GK: variants seen among roughly 807,000 people sequenced by gnomAD.
The protein encoded by GK is ATP:glycerol 3-phosphotransferase.
GK carries 9 observed loss-of-function variants against 56.4 expected under a neutral mutation model. The ratio of observed to expected loss-of-function variants is 0.16; its 90% CI spans 0.10 to 0.28. GK has a LOEUF of 0.28. GK is among the 10% of genes least tolerant of loss of function. The pLI is 1.00. For synonymous variants in GK, 104 were observed against 144.1 expected (o/e 0.72, Z 1.99); for missense variants, 161 against 431.4 (o/e 0.37, Z 5.55).
chrX:30,699,977 T>G (rs1046658534), intron 9 of GK: 1 of 116,247 alleles, frequency 8.6e-6, no homozygotes, highest in Non-Finnish European at 1.8e-5. Flanking sequence ...AAAATAAATG[T>G]GTTTCATACT....
In GK at chrX:30,728,904, A is replaced by C; in HGVS notation, c.*162A>C. 2.1e-6 allele frequency: 1 copy of C among 471,987 alleles called. No homozygotes were observed. Among genetic ancestry groups the C allele is most frequent in the Non-Finnish European group, 3.7e-6 (1 of 268,652 alleles). 38.9% of individuals were successfully genotyped at this position (471,987 alleles called of 1,213,427 possible). On this transcript the variant is annotated 3_prime_UTR_variant, in exon 21 of 21. Coordinates refer to ENST00000427190, the MANE Select transcript of GK (RefSeq NM_001205019.2). Reference sequence around the variant, plus strand: ...AGTAGACCTGTGGCTTAAAATAAAGAAAATGCAGCAAAAAGAATGCTATAG... The same window carrying C: ...AGTAGACCTGTGGCTTAAAATAAAGCAAATGCAGCAAAAAGAATGCTATAG...
intron 4 of GK, among the ~76,000 whole-genome samples, chrX:30,681,710 T>C (rs1427381459): frequency 2.7e-5 from 3 of 111,738 alleles, no homozygotes; most frequent in Non-Finnish European, 5.6e-5. Context: ...AAAAAAGATA[T>C]ATAACCTTCA....
intron 11 of GK, among the ~76,000 whole-genome samples, chrX:30,704,717 GCC>G (rs1569165826): frequency 9.1e-6 from 1 of 110,104 alleles, no homozygotes; most frequent in East Asian, 2.9e-4. Flanking sequence ...GACTACAGGC[GCC>G]CGCCACCACA....
chrX:30,713,016 G>A (rs1384907745), intron 13 of GK, among the ~76,000 whole-genome samples: 1 of 111,488 alleles, frequency 9.0e-6, no homozygotes, highest in East Asian at 2.8e-4. Flanking sequence ...TTACAGGCGT[G>A]AGCCACCGCG....
intron 8 of GK, 86 bp from the exon 9 acceptor site, chrX:30,697,645 GA>G (rs1177052208): frequency 6.0e-5 from 40 of 667,457 alleles, no homozygotes; most frequent in Non-Finnish European, 8.7e-5. Flanking sequence ...AGGATGGTTA[GA>G]AAAAAAAACG....
chrX:30,726,163 A>T (rs1345257919), intron 19 of GK, among the ~76,000 whole-genome samples: 3 of 112,342 alleles, frequency 2.7e-5, no homozygotes, highest in African/African-American at 9.7e-5. Flanking sequence ...AAAAAAAGAT[A>T]TCATTGCTCC....
chrX:30,670,897 C>T (rs1277320693), intron 3 of GK, among the ~76,000 whole-genome samples: 2 of 109,681 alleles, frequency 1.8e-5, no homozygotes, highest in Non-Finnish European at 3.8e-5. Context: ...GCAGGAGAAT[C>T]GCTTGAACCC....
At chrX:30,697,702 A>G (rs1389892904) in intron 8 of GK, 30 bp from the exon 9 acceptor site, 2 of 1,082,032 alleles carry the variant, frequency 1.8e-6, no homozygotes, top group African/African-American at 1.8e-5. Flanking sequence ...TTATGCTTCT[A>G]TCCTTCTCTC....
At chrX:30,657,983 C>T (rs1932424602) in intron 1 of GK, among the ~76,000 whole-genome samples, 1 of 112,126 alleles carries the variant, frequency 8.9e-6, no homozygotes, top group Non-Finnish European at 1.9e-5. Context: ...GACTCAAATT[C>T]AGTGGGTCCT....
At chrX:30,691,434 T>TCCCAG (rs747148388) in intron 5 of GK, among the ~76,000 whole-genome samples, 5 of 107,522 alleles carry the variant, frequency 4.7e-5, no homozygotes, top group African/African-American at 1.7e-4. Flanking sequence ...TTATAATGCG[T>TCCCAG]CCCAGTGGCT....
chrX:30,660,850 G>A (rs1932707133), intron 1 of GK, among the ~76,000 whole-genome samples: 1 of 85,953 alleles, frequency 1.2e-5, no homozygotes, highest in South Asian at 5.8e-4. Context: ...GTCTCGCTCT[G>A]TTACCAGGCT....
intron 4 of GK, chrX:30,689,678 C>CTG: frequency 3.4e-6 from 1 of 291,125 alleles, no homozygotes; most frequent in Admixed American, 3.5e-5. Flanking sequence ...TCTCTTTGAC[C>CTG]ACATGTTTCC....
chrX:30,705,657 A>G (rs909572683), intron 11 of GK, among the ~76,000 whole-genome samples: 2 of 112,884 alleles, frequency 1.8e-5, no homozygotes, highest in Non-Finnish European at 3.7e-5. Context: ...ACAATGTACA[A>G]TGAGGAAGGC....
At chrX:30,668,151 A>C in intron 3 of GK, 33 bp downstream of exon 3, 1 of 726,458 alleles carries the variant, frequency 1.4e-6, no homozygotes, top group Non-Finnish European at 2.2e-6. Context: ...CCACATAATA[A>C]GACTCTCTCA....
intron 8 of GK, among the ~76,000 whole-genome samples, chrX:30,697,302 G>A (rs1010810983): frequency 4.5e-5 from 5 of 111,842 alleles, no homozygotes; most frequent in African/African-American, 1.6e-4. Context: ...TTGCACTGGT[G>A]TTTGAGCACA....
intron 4 of GK, among the ~76,000 whole-genome samples, chrX:30,685,301 T>A (rs1191393315): frequency 1.8e-5 from 2 of 110,604 alleles, no homozygotes; most frequent in East Asian, 5.7e-4. Flanking sequence ...CCGGCTAATT[T>A]TTTTTGTATT....
intron 13 of GK, among the ~76,000 whole-genome samples, chrX:30,711,283 G>A (rs1936313683): frequency 9.1e-6 from 1 of 110,370 alleles, no homozygotes; most frequent in Non-Finnish European, 1.9e-5. Context: ...ATCCCTTCTG[G>A]CCATTTTCGA....
intron 4 of GK, among the ~76,000 whole-genome samples, chrX:30,683,535 T>G (rs1934411743): frequency 1.8e-5 from 2 of 111,681 alleles, no homozygotes; most frequent in Admixed American, 1.9e-4. Context: ...ATATCATTGG[T>G]GGCCACGGCA....
intron 3 of GK, among the ~76,000 whole-genome samples, chrX:30,673,934 A>G (rs1215592150): frequency 9.0e-6 from 1 of 111,363 alleles, no homozygotes; most frequent in Non-Finnish European, 1.9e-5. Flanking sequence ...ACGCACAAAA[A>G]AATTACATTC....
Sources: allele counts gnomAD v4.1 joint callset (sites outside exome capture counted in the v4.1 genomes callset), GRCh38; gene constraint gnomAD v4.1.1; transcripts MANE v1.5; gene names NCBI Gene and HGNC (gene_info 2026-07-23, HGNC 2026-07-21).